The following CDK7 variants were observed in gnomAD, a reference collection of about 807,000 sequenced individuals.
The protein encoded by CDK7 is cyclin-dependent kinase 7.
In CDK7, 25 loss-of-function variants were observed where a neutral mutation model predicts 49.1. The ratio of observed to expected loss-of-function variants is 0.51; its 90% CI spans 0.37 to 0.71. The LOEUF (loss-of-function observed/expected upper bound fraction) is 0.71. Ranked by LOEUF, CDK7 falls within the 30% of genes least tolerant of loss-of-function variation. The pLI is 0.00. For synonymous variants in CDK7, 107 were observed against 140.0 expected (o/e 0.76, Z 1.67); for missense variants, 316 against 411.7 (o/e 0.77, Z 2.01).
intron 10 of CDK7, among the ~76,000 whole-genome samples, chr5:69,274,759 G>A (rs978087059): frequency 1.3e-5 from 2 of 152,026 alleles, no homozygotes; most frequent in African/African-American, 2.4e-5. Flanking sequence ...GGGATTACAG[G>A]TGCACACCAC....
intron 2 of CDK7, among the ~76,000 whole-genome samples, chr5:69,243,057 C>G (rs1237608981): frequency 6.6e-6 from 1 of 152,028 alleles, no homozygotes; most frequent in Non-Finnish European, 1.5e-5. Flanking sequence ...AAAAAAAAAG[C>G]AAAGATGGAG....
chr5:69,248,026 T>C (rs760340424), intron 2 of CDK7, among the ~76,000 whole-genome samples: 1 of 152,216 alleles, frequency 6.6e-6, no homozygotes, highest in Non-Finnish European at 1.5e-5. Flanking sequence ...TACTTACTAT[T>C]ACCAGTGAGT....
At chr5:69,261,556 A>G (rs1417331034) in intron 7 of CDK7, among the ~76,000 whole-genome samples, 1 of 141,990 alleles carries the variant, frequency 7.0e-6, no homozygotes. Flanking sequence ...TTTGAGACGG[A>G]ATCTGGCACT....
chr5:69,272,917 T>C lies in CDK7; in HGVS notation c.740T>C (p.Val247Ala). 6.3e-7 allele frequency: 1 copy of C among 1,594,116 alleles called. No homozygotes were observed. The change falls in exon 10 of 12, where the codon GTG (valine) becomes GCG (alanine). Residue 247 changes from valine (V) to alanine (A), a missense_variant. Transcript: ENST00000256443. Reference protein sequence around the residue: ...WPDMCSLPDYVTFKSFPGIPL... With the variant: ...WPDMCSLPDYATFKSFPGIPL... ...GACATGTGTAGTCTTCCAGATTATGTGACATTTAAGAGTTTCCCTGGAATA... is the reference window on the plus strand; with the variant it reads ...GACATGTGTAGTCTTCCAGATTATGCGACATTTAAGAGTTTCCCTGGAATA...
intron 9 of CDK7, among the ~76,000 whole-genome samples, chr5:69,272,157 C>A (rs1455557795): frequency 6.6e-6 from 1 of 152,122 alleles, no homozygotes; most frequent in Non-Finnish European, 1.5e-5. Flanking sequence ...ACGGTCTCTT[C>A]ATTGATTTAG....
At chr5:69,262,928 C>T (rs988800033) in intron 8 of CDK7, among the ~76,000 whole-genome samples, 1 of 152,160 alleles carries the variant, frequency 6.6e-6, no homozygotes, top group Non-Finnish European at 1.5e-5. Context: ...TTTTGTCCTC[C>T]TGAGGGTTTT....
At chr5:69,237,082 C>A (rs1188467759) in intron 2 of CDK7, among the ~76,000 whole-genome samples, 2 of 149,504 alleles carry the variant, frequency 1.3e-5, no homozygotes, top group East Asian at 4.0e-4. Context: ...AATCTTTCTT[C>A]ATCTTTCTTT....
intron 8 of CDK7, among the ~76,000 whole-genome samples, chr5:69,268,870 T>G (rs1751340576): frequency 6.9e-6 from 1 of 144,888 alleles, no homozygotes. Flanking sequence ...AAGGCTGGCG[T>G]GGTGGCTCAC....
intron 2 of CDK7, among the ~76,000 whole-genome samples, chr5:69,247,873 G>A (rs752683913): frequency 5.3e-5 from 8 of 152,048 alleles, no homozygotes; most frequent in Non-Finnish European, 8.8e-5. Flanking sequence ...AAAACTCTGC[G>A]TTTTAACTTT....
intron 2 of CDK7, chr5:69,250,960 T>C: frequency 6.7e-6 from 3 of 448,326 alleles, no homozygotes; most frequent in South Asian, 4.7e-5. Context: ...TAGAATCGCC[T>C]GTTCTGTTGC....
chr5:69,239,384 C>T (rs1749216824), intron 2 of CDK7, among the ~76,000 whole-genome samples: 1 of 152,096 alleles, frequency 6.6e-6, no homozygotes, highest in Non-Finnish European at 1.5e-5. Flanking sequence ...CTCCTGTTTT[C>T]TGTTGGATTA....
At chr5:69,235,791 G>T (rs1390465294) in intron 2 of CDK7, among the ~76,000 whole-genome samples, 1 of 152,214 alleles carries the variant, frequency 6.6e-6, no homozygotes, top group Non-Finnish European at 1.5e-5. Flanking sequence ...CATCCACTCA[G>T]TGTGTCGTAT....
chr5:69,238,429 T>G (rs1749148597), intron 2 of CDK7, among the ~76,000 whole-genome samples: 1 of 151,662 alleles, frequency 6.6e-6, no homozygotes, highest in Non-Finnish European at 1.5e-5. Context: ...GGAGTACAGG[T>G]GCATGCCACC....
intron 2 of CDK7, 98 bp from the exon 3 acceptor site, chr5:69,252,320 T>TC: frequency 2.6e-6 from 2 of 767,648 alleles, no homozygotes; most frequent in South Asian, 1.6e-5. Flanking sequence ...TGTTTTTTTT[T>TC]CTGTGGCGAA....
At chr5:69,244,777 A>G (rs1022522850) in intron 2 of CDK7, among the ~76,000 whole-genome samples, 7 of 152,296 alleles carry the variant, frequency 4.6e-5, no homozygotes, top group South Asian at 2.1e-4. Flanking sequence ...CAAGCTCTTA[A>G]AGGAAATCAG....
intron 4 of CDK7, 146 bp downstream of exon 4, chr5:69,254,815 T>G: frequency 1.7e-6 from 1 of 578,778 alleles, no homozygotes; most frequent in Non-Finnish European, 3.1e-6. Flanking sequence ...CCCAGTTGTT[T>G]TGGTAGGCAT....
chr5:69,262,407 G>A, intron 8 of CDK7, 103 bp downstream of exon 8: 10 of 1,488,608 alleles, frequency 6.7e-6, no homozygotes, highest in South Asian at 2.3e-5. Flanking sequence ...GGTGGCTCAC[G>A]CCTGTAATCC....
intron 5 of CDK7, among the ~76,000 whole-genome samples, chr5:69,256,338 T>C (rs1434316560): frequency 6.6e-6 from 1 of 151,954 alleles, no homozygotes; most frequent in Non-Finnish European, 1.5e-5. Flanking sequence ...AAGCCAAGTT[T>C]TTTTGTTTGT....
At chr5:69,251,405 C>T (rs1750135994) in intron 2 of CDK7, among the ~76,000 whole-genome samples, 1 of 152,056 alleles carries the variant, frequency 6.6e-6, no homozygotes, top group African/African-American at 2.4e-5. Flanking sequence ...GCCAATGCCC[C>T]AGTAACTTTT....
Sources: gnomAD v4.1 joint callset for allele counts (sites outside exome capture counted in the v4.1 genomes callset) on GRCh38, gnomAD v4.1.1 for gene constraint, MANE v1.5 for transcripts, NCBI Gene and HGNC (gene_info 2026-07-23, HGNC 2026-07-21) for gene names.